TAF3: variants seen among roughly 807,000 people sequenced by gnomAD.
TAF3 encodes the protein transcription initiation factor TFIID subunit 3.
A neutral mutation model predicts 80.6 loss-of-function variants in TAF3; 7 were observed. That is an observed-to-expected ratio of 0.09 (90% CI 0.05 to 0.16). The LOEUF is 0.16. Ranked by LOEUF, TAF3 falls within the 10% of genes least tolerant of loss-of-function variation. The pLI is 1.00. For missense variants in TAF3, 921 were observed against 1,140.2 expected (o/e 0.81, Z 2.77); for synonymous variants, 444 against 446.1 (o/e 1.00, Z 0.06).
chr10:7,893,226 A>G (rs923948314), intron 2 of TAF3, among the ~76,000 whole-genome samples: 6 of 152,228 alleles, frequency 3.9e-5, no homozygotes, highest in African/African-American at 1.2e-4. Context: ...AGAACTTAGT[A>G]TCTTTTAAAA....
chr10:7,868,891 A>G (rs989714405), intron 2 of TAF3, among the ~76,000 whole-genome samples: 1 of 152,198 alleles, frequency 6.6e-6, no homozygotes, highest in Non-Finnish European at 1.5e-5. Flanking sequence ...AAATTTCCTA[A>G]GATCACAGAG....
At chr10:7,953,791 T>C (rs1259250100) in intron 2 of TAF3, among the ~76,000 whole-genome samples, 2 of 152,206 alleles carry the variant, frequency 1.3e-5, no homozygotes, top group African/African-American at 2.4e-5. Context: ...AATGAATGAA[T>C]TAGTCCTAGT....
At chr10:7,949,017 C>T (rs886477650) in intron 2 of TAF3, among the ~76,000 whole-genome samples, 1 of 152,232 alleles carries the variant, frequency 6.6e-6, no homozygotes, top group African/African-American at 2.4e-5. Context: ...GAGCTGTGCC[C>T]GGCTGCTGCC....
chr10:7,915,578 T>C (rs1387653403), intron 2 of TAF3, among the ~76,000 whole-genome samples: 1 of 142,456 alleles, frequency 7.0e-6, no homozygotes, highest in African/African-American at 2.7e-5. Flanking sequence ...GGGAGGCGGA[T>C]CTTGCAGTGA....
At chr10:8,000,955 A>G (rs1831938228) in intron 4 of TAF3, among the ~76,000 whole-genome samples, 2 of 152,178 alleles carry the variant, frequency 1.3e-5, no homozygotes, top group African/African-American at 2.4e-5. Flanking sequence ...GGATAGACAT[A>G]TCATTTGTGT....
intron 2 of TAF3, among the ~76,000 whole-genome samples, chr10:7,845,850 T>G (rs1836964437): frequency 6.6e-6 from 1 of 152,236 alleles, no homozygotes; most frequent in Non-Finnish European, 1.5e-5. Flanking sequence ...TTTTTAATTT[T>G]TATTTCTATT....
chr10:7,875,141 A>G (rs558525543), intron 2 of TAF3, among the ~76,000 whole-genome samples: 88 of 152,292 alleles, frequency 5.8e-4, no homozygotes, highest in African/African-American at 2.0e-3. Context: ...ATTCTTTATC[A>G]GTCACTATTT....
chr10:7,844,412 C>T (rs1417149627), intron 2 of TAF3, among the ~76,000 whole-genome samples: 1 of 142,494 alleles, frequency 7.0e-6, no homozygotes, highest in Non-Finnish European at 1.5e-5. Context: ...GAGTCTTGCT[C>T]TGTCACCAGG....
chr10:7,945,903 G>A (rs1329828904), intron 2 of TAF3, among the ~76,000 whole-genome samples: 1 of 152,172 alleles, frequency 6.6e-6, no homozygotes, highest in African/African-American at 2.4e-5. Context: ...TAAAATCTAT[G>A]AATAGAGAAA....
At chr10:7,999,483 G>A (rs1831922982) in intron 4 of TAF3, among the ~76,000 whole-genome samples, 1 of 145,316 alleles carries the variant, frequency 6.9e-6, no homozygotes, top group South Asian at 2.2e-4. Flanking sequence ...TTGAGATGGA[G>A]TCTCGCTTTG....
rs1554778958 is a variant in TAF3 at position 7,872,233 on chromosome 10, T to TTC, written c.409+47673_409+47674insTC. On this transcript the variant is annotated intron_variant, in intron 2 of 6. Transcript: ENST00000344293. ...GGTTGATTTTTTTTTTTTTTTTTTT[T>TTC]CTTTCTTTCCCAGTAGCTACCCGCT... is the stretch of plus-strand genomic sequence containing the variant. Among the ~76,000 whole-genome samples the TTC allele has an allele frequency of 3.9e-3, 524 of 132,684 alleles. 3 individuals are homozygous for TTC. The highest frequency in any genetic ancestry group is 0.019 in the South Asian group (81 of 4,170). 87.0% of individuals were successfully genotyped at this position (132,684 alleles called of 152,430 possible).
At chr10:7,871,240 A>G (rs1201171186) in intron 2 of TAF3, among the ~76,000 whole-genome samples, 1 of 152,092 alleles carries the variant, frequency 6.6e-6, no homozygotes, top group Admixed American at 6.5e-5. Flanking sequence ...TAGAATTTCT[A>G]CTTCAAACAA....
intron 4 of TAF3, among the ~76,000 whole-genome samples, chr10:8,004,510 G>A (rs1283171805): frequency 4.0e-5 from 6 of 151,676 alleles, no homozygotes; most frequent in Admixed American, 2.0e-4. Context: ...CTTAGCTTTT[G>A]CCTGCCTGTA....
chr10:7,840,422 G>A (rs1226445151), intron 2 of TAF3, among the ~76,000 whole-genome samples: 1 of 151,588 alleles, frequency 6.6e-6, no homozygotes, highest in East Asian at 1.9e-4. Flanking sequence ...AAAGTGCTGG[G>A]ATTACAAGCA....
intron 2 of TAF3, among the ~76,000 whole-genome samples, chr10:7,948,653 C>T (rs1223775064): frequency 6.6e-6 from 1 of 152,152 alleles, no homozygotes; most frequent in Non-Finnish European, 1.5e-5. Context: ...GCAGATTTTA[C>T]AGGCTGCCTC....
intron 2 of TAF3, among the ~76,000 whole-genome samples, chr10:7,840,014 A>G (rs1412570498): frequency 6.6e-6 from 1 of 152,252 alleles, no homozygotes; most frequent in African/African-American, 2.4e-5. Context: ...ATCTGGATTT[A>G]TAAAAACAGA....
intron 2 of TAF3, among the ~76,000 whole-genome samples, chr10:7,867,314 A>C (rs369986343): frequency 6.6e-6 from 1 of 152,220 alleles, no homozygotes; most frequent in East Asian, 1.9e-4. Context: ...TGTGATTTTT[A>C]AGTATGCATT....
At chr10:7,830,109 A>G (rs905567364) in intron 2 of TAF3, among the ~76,000 whole-genome samples, 1 of 151,604 alleles carries the variant, frequency 6.6e-6, no homozygotes, top group African/African-American at 2.4e-5. Flanking sequence ...GACCTTTTGC[A>G]CTCCTTGGAC....
intron 1 of TAF3, among the ~76,000 whole-genome samples, chr10:7,820,530 T>G (rs1252365143): frequency 6.6e-6 from 1 of 152,262 alleles, no homozygotes; most frequent in African/African-American, 2.4e-5. Flanking sequence ...GGTCTCACTC[T>G]GTCGCCGAGC....
Sources: gnomAD v4.1 joint callset for allele counts (sites outside exome capture counted in the v4.1 genomes callset) on GRCh38, gnomAD v4.1.1 for gene constraint, MANE v1.5 for transcripts, NCBI Gene and HGNC (gene_info 2026-07-23, HGNC 2026-07-21) for gene names.